TMEM132D: variants seen among roughly 807,000 people sequenced by gnomAD.
TMEM132D encodes the protein mature OL transmembrane protein.
Under a neutral mutation model 62.3 loss-of-function variants are expected in TMEM132D, and 21 were observed. The observed-to-expected ratio is 0.34, with a 90% confidence interval of 0.24 to 0.49. The LOEUF is 0.49. TMEM132D is among the 20% of genes least tolerant of loss of function. TMEM132D has a pLI of 0.99. For synonymous variants in TMEM132D, 621 were observed against 575.6 expected, an observed-to-expected ratio of 1.08 and a Z score of -1.13; for missense variants, 1,346 against 1,402.8, an observed-to-expected ratio of 0.96 and a Z score of 0.65.
chr12:129,202,584 G>C (rs1878735742), intron 5 of TMEM132D, among the ~76,000 whole-genome samples: 1 of 152,184 alleles, frequency 6.6e-6, no homozygotes. Flanking sequence ...GCCCAAGTCT[G>C]AAGCCTGCAT....
chr12:129,081,835 A>G lies in TMEM132D; in HGVS notation c.1847T>C (p.Val616Ala). 1 of 1,611,732 alleles carries G rather than the reference A, an allele frequency of 6.2e-7. No individual in the cohort carries two copies. Among genetic ancestry groups the G allele is most frequent in the South Asian group, 1.1e-5 (1 of 90,992 alleles). ...CAGCTTGGCGATCCTGGGCTCCTCCACCTGCATGAAGTCATTTATCAGCTC... is the reference window on the plus strand; with the variant it reads ...CAGCTTGGCGATCCTGGGCTCCTCCGCCTGCATGAAGTCATTTATCAGCTC... ...ITELINDFMQ[V>A]EEPRIAKLQG... The change falls in exon 7 of 9, where the codon GTG becomes GCG. Residue 616 changes from valine (V) to alanine (A), a missense_variant. Physicochemically the swap from Val to Ala is moderately conservative, Grantham distance 64. Coordinates refer to ENST00000422113, the MANE Select transcript of TMEM132D (RefSeq NM_133448.3).
chr12:129,450,662 C>A (rs1260048831), intron 3 of TMEM132D, among the ~76,000 whole-genome samples: 1 of 152,088 alleles, frequency 6.6e-6, no homozygotes, highest in Non-Finnish European at 1.5e-5. Flanking sequence ...TCGTTGGCAT[C>A]CCTGCAACAG....
intron 4 of TMEM132D, among the ~76,000 whole-genome samples, chr12:129,307,062 ATTTTT>A (rs3045974): frequency 2.7e-5 from 4 of 149,324 alleles, no homozygotes; most frequent in African/African-American, 9.8e-5. Flanking sequence ...CAATAGACTG[ATTTTT>A]TTTTTTTTGT....
At chr12:129,632,281 A>G (rs534778007) in intron 2 of TMEM132D, among the ~76,000 whole-genome samples, 2 of 152,324 alleles carry the variant, frequency 1.3e-5, no homozygotes, top group South Asian at 4.1e-4. Flanking sequence ...CGGAAGGAGA[A>G]CACAAAACAA....
intron 1 of TMEM132D, among the ~76,000 whole-genome samples, chr12:129,773,531 C>G (rs114392441): frequency 1.3e-5 from 2 of 152,096 alleles, no homozygotes; most frequent in Admixed American, 1.3e-4. Context: ...GGCAAAGGAA[C>G]AATTAGTGCA....
At chr12:129,760,252 C>T (rs1870308684) in intron 1 of TMEM132D, among the ~76,000 whole-genome samples, 1 of 151,562 alleles carries the variant, frequency 6.6e-6, no homozygotes, top group East Asian at 1.9e-4. Context: ...TTCCCAGTAT[C>T]CCCTGAAACC....
chr12:129,149,922 G>T (rs1310156503), intron 5 of TMEM132D, among the ~76,000 whole-genome samples: 4 of 152,234 alleles, frequency 2.6e-5, no homozygotes, highest in Non-Finnish European at 5.9e-5. Context: ...AGACTTTCAT[G>T]CTTACTGGTT....
At position 129,733,616 on chromosome 12, in the gene TMEM132D, T is replaced by C. The variant is rs144860251; in HGVS notation, c.80-32918A>G. Among the ~76,000 whole-genome samples the C allele has an allele frequency of 4.8e-3, 730 of 151,852 alleles. 8 individuals carry two copies. Among genetic ancestry groups the C allele is most frequent in the African/African-American group, 0.017 (703 of 41,364 alleles). On this transcript the variant is annotated intron_variant, in intron 1 of 8. Coordinates refer to ENST00000422113, the MANE Select transcript of TMEM132D (RefSeq NM_133448.3). ...TTGGGGAATGGTTGTTTATGTAGCA[T>C]TAGATAACTAGACCAGAGTGATGGG... is the stretch of plus-strand genomic sequence containing the variant.
chr12:129,429,898 C>T (rs950473713), intron 3 of TMEM132D, among the ~76,000 whole-genome samples: 4 of 151,944 alleles, frequency 2.6e-5, no homozygotes, highest in African/African-American at 9.7e-5. Flanking sequence ...CATGTCCCTA[C>T]AAAGGACATG....
chr12:129,767,146 A>G (rs1361176164), intron 1 of TMEM132D, among the ~76,000 whole-genome samples: 1 of 152,206 alleles, frequency 6.6e-6, no homozygotes, highest in Non-Finnish European at 1.5e-5. Context: ...GAAGCCAAGA[A>G]GCTGCCCTGT....
intron 3 of TMEM132D, among the ~76,000 whole-genome samples, chr12:129,485,508 T>C (rs1006250677): frequency 5.3e-5 from 8 of 152,278 alleles, no homozygotes; most frequent in Non-Finnish European, 8.8e-5. Context: ...CTAAAATGTG[T>C]TGTCCAATGG....
At chr12:129,287,408 A>C (rs1881331437) in intron 4 of TMEM132D, among the ~76,000 whole-genome samples, 2 of 152,266 alleles carry the variant, frequency 1.3e-5, no homozygotes. Flanking sequence ...TGCTTTGGAC[A>C]AGAATCATCA....
intron 5 of TMEM132D, among the ~76,000 whole-genome samples, chr12:129,152,612 T>C (rs771192977): frequency 6.6e-6 from 1 of 152,150 alleles, no homozygotes; most frequent in African/African-American, 2.4e-5. Flanking sequence ...TTTTGCTCAC[T>C]AGATGGGGAG....
chr12:129,339,965 C>T (rs758367597), intron 3 of TMEM132D, among the ~76,000 whole-genome samples: 10 of 152,160 alleles, frequency 6.6e-5, no homozygotes, highest in Non-Finnish European at 8.8e-5. Flanking sequence ...AATCCTTGCC[C>T]GCAGTAGAAT....
At chr12:129,568,219 T>C (rs1319702480) in intron 2 of TMEM132D, among the ~76,000 whole-genome samples, 1 of 152,188 alleles carries the variant, frequency 6.6e-6, no homozygotes, top group East Asian at 1.9e-4. Flanking sequence ...CACCTCACAT[T>C]TGGAATTTTC....
intron 2 of TMEM132D, among the ~76,000 whole-genome samples, chr12:129,652,477 G>T (rs556321195): frequency 2.3e-3 from 343 of 152,340 alleles, no homozygotes; most frequent in Non-Finnish European, 2.7e-3. Context: ...AAGATAAAGA[G>T]ATCATCTTGG....
At position 129,441,099 on chromosome 12, in the gene TMEM132D, A is replaced by G. The variant is rs1370033695; in HGVS notation, c.1115+89960T>C. ...CAATAGAGGGAATTTAATCCAGGGC[A>G]CTGGTTTAGAAGATGCTGGATGTTC... is the stretch of plus-strand genomic sequence containing the variant. On this transcript the variant is annotated intron_variant, in intron 3 of 8. Transcript: ENST00000422113. Among the ~76,000 whole-genome samples, 4 of 152,200 alleles carry G rather than the reference A, an allele frequency of 2.6e-5. No homozygotes were observed. In the East Asian group the frequency reaches 7.7e-4, roughly 29 times the overall value.
chr12:129,650,049 T>C (rs1431074194), intron 2 of TMEM132D, among the ~76,000 whole-genome samples: 1 of 152,142 alleles, frequency 6.6e-6, no homozygotes, highest in Non-Finnish European at 1.5e-5. Flanking sequence ...ATAACTTGCA[T>C]GGTGTTTGCT....
chr12:129,299,441 C>T (rs1481427261), intron 4 of TMEM132D, among the ~76,000 whole-genome samples: 3 of 138,158 alleles, frequency 2.2e-5, no homozygotes, highest in African/African-American at 8.5e-5. Flanking sequence ...TTTTTTTTGC[C>T]AATTGCAAGA....
Sources: allele counts gnomAD v4.1 joint callset (sites outside exome capture counted in the v4.1 genomes callset), GRCh38; gene constraint gnomAD v4.1.1; transcripts MANE v1.5; gene names NCBI Gene and HGNC (gene_info 2026-07-23, HGNC 2026-07-21).